FGFR2: variants seen among roughly 807,000 people sequenced by gnomAD.
FGFR2 encodes the protein fibroblast growth factor receptor 2, also known as BEK fibroblast growth factor receptor.
Under a neutral mutation model 95.9 loss-of-function variants are expected in FGFR2, and 19 were observed. The ratio of observed to expected loss-of-function variants is 0.20; its 90% CI spans 0.14 to 0.29. FGFR2 has a LOEUF of 0.29. Among genes scored for constraint, FGFR2 ranks in the 10% least tolerant of loss-of-function variants. The pLI is 1.00. For missense variants in FGFR2, 707 were observed against 1,056.9 expected (o/e 0.67, Z 4.59); for synonymous variants, 392 against 393.3 (o/e 1.00, Z 0.04).
chr10:121,497,839 A>G (rs1246759078), intron 12 of FGFR2, among the ~76,000 whole-genome samples: 3 of 152,234 alleles, frequency 2.0e-5, no homozygotes, highest in Non-Finnish European at 2.9e-5. Context: ...ACGGCCCACA[A>G]AAGTCTAAAA....
In FGFR2 at chr10:121,558,610, GT is replaced by G. The variant is rs1212018020; in HGVS notation, c.454+5891del. On this transcript the variant is annotated intron_variant, in intron 4 of 17. Coordinates refer to ENST00000358487, the MANE Select transcript of FGFR2 (RefSeq NM_000141.5). Reference sequence around the variant, plus strand: ...ATGATGTTAATAGATACAGTTTTTTGTTTTTTTTTTTTTTTGAGACGGAGTC... The same window carrying G: ...ATGATGTTAATAGATACAGTTTTTTGTTTTTTTTTTTTTTGAGACGGAGTC... Among the ~76,000 whole-genome samples the G allele has an allele frequency of 4.1e-3, 568 of 139,376 alleles. 4 individuals carry two copies. The highest frequency in any genetic ancestry group is 4.6e-3 in the Admixed American group (65 of 14,040). The allele number at this position is 139,376 out of a possible 152,430, so 91.4% of individuals were successfully genotyped here. A position where few individuals can be genotyped will look rare whatever the true frequency, so the allele number is the denominator to read the frequency against.
chr10:121,499,237 C>T (rs1004552803), intron 11 of FGFR2, among the ~76,000 whole-genome samples: 3 of 152,166 alleles, frequency 2.0e-5, no homozygotes, highest in African/African-American at 7.2e-5. Flanking sequence ...GTTCCACATA[C>T]GCGGGCTCGC....
chr10:121,548,003 G>A (rs1431267862), intron 5 of FGFR2, among the ~76,000 whole-genome samples: 1 of 152,082 alleles, frequency 6.6e-6, no homozygotes, highest in Non-Finnish European at 1.5e-5. Context: ...TTCAAGTCCC[G>A]GAAGCCCTTG....
chr10:121,481,111 A>G (rs1649202), intron 17 of FGFR2, among the ~76,000 whole-genome samples: 79,442 of 151,834 alleles, frequency 0.52, 22,283 homozygotes, highest in African/African-American at 0.73. Context: ...CAGGGCCGGC[A>G]AAGCTGAAAA....
chr10:121,574,463 G>A (rs1590051297), intron 2 of FGFR2, among the ~76,000 whole-genome samples: 1 of 151,986 alleles, frequency 6.6e-6, no homozygotes, highest in African/African-American at 2.4e-5. Context: ...CGGGAGGCGG[G>A]GGTTGCAGTG....
rs2134827014 is a variant in FGFR2, at chr10:121,551,278, G to A, written c.624+12C>T. On this transcript the variant is annotated intron_variant, in intron 5 of 17. Transcript: ENST00000358487. ...ATGTAAGAAATGTGATGTTCTGAAA[G>A]CTTAATTCTACCTTGTAGCCTCCAA... is the stretch of plus-strand genomic sequence containing the variant. 6.2e-7 allele frequency: 1 copy of A among 1,613,802 alleles called. No individual in the cohort carries two copies. Among genetic ancestry groups the A allele is most frequent in the Non-Finnish European group, 8.5e-7 (1 of 1,179,696 alleles).
At chr10:121,481,178 G>C (rs933801058) in intron 17 of FGFR2, among the ~76,000 whole-genome samples, 17 of 152,128 alleles carry the variant, frequency 1.1e-4, no homozygotes, top group African/African-American at 3.9e-4. Flanking sequence ...CTGAAGCTAT[G>C]AAAAGCTTTC....
At chr10:121,488,480 G>A (rs1845713570) in intron 13 of FGFR2, among the ~76,000 whole-genome samples, 1 of 148,718 alleles carries the variant, frequency 6.7e-6, no homozygotes, top group Admixed American at 6.9e-5. Context: ...GACAGAGGTT[G>A]CAGTGAGCTG....
chr10:121,544,672 G>A (rs1230351648), intron 5 of FGFR2, among the ~76,000 whole-genome samples: 5 of 151,954 alleles, frequency 3.3e-5, no homozygotes, highest in African/African-American at 1.2e-4. Context: ...GTGGGGGAGG[G>A]GAAATGAGTA....
chr10:121,538,566 C>T (rs768308840), intron 6 of FGFR2, 26 bp downstream of exon 6: 9 of 1,614,134 alleles, frequency 5.6e-6, no homozygotes, highest in South Asian at 4.4e-5. Context: ...GGTATGCAGC[C>T]GCCACACGAG....
intron 2 of FGFR2, among the ~76,000 whole-genome samples, chr10:121,571,135 C>G (rs1391795789): frequency 1.4e-5 from 2 of 148,040 alleles, no homozygotes; most frequent in Admixed American, 6.8e-5. Context: ...ACTACAGGAG[C>G]CTGCCACCAC....
intron 2 of FGFR2, among the ~76,000 whole-genome samples, chr10:121,587,643 GAAA>G (rs1223436297): frequency 6.6e-6 from 1 of 150,806 alleles, no homozygotes; most frequent in African/African-American, 2.4e-5. Context: ...ACCAGCATAT[GAAA>G]AAAAAAGCTC....
intron 6 of FGFR2, among the ~76,000 whole-genome samples, chr10:121,533,949 T>G (rs1388611565): frequency 6.6e-6 from 1 of 151,968 alleles, no homozygotes; most frequent in Non-Finnish European, 1.5e-5. Flanking sequence ...CTTCAAGTCC[T>G]CAAACTCCAC....
At position 121,485,608 on chromosome 10, in the gene FGFR2, T is replaced by C. The variant is rs1245807572; in HGVS notation, c.2058-76A>G. On this transcript the variant is annotated intron_variant, in intron 15 of 17. Coordinates refer to ENST00000358487, the MANE Select transcript of FGFR2 (RefSeq NM_000141.5). This position sits in a 1 kb window ranked among gnomAD's most constrained non-coding sequence, Gnocchi z 4.2. ...AACCTAAACACGCCCAGCTGAGACATAAACACCTCCTCACTTCTGAAGTTC... is the reference window on the plus strand; with the variant it reads ...AACCTAAACACGCCCAGCTGAGACACAAACACCTCCTCACTTCTGAAGTTC... 1.9e-6 allele frequency: 3 copies of C among 1,595,626 alleles called. No homozygotes were observed. The African/African-American group carries it at 4.0e-5, about 21-fold the overall frequency.
At position 121,482,379 on chromosome 10, in the gene FGFR2, G is replaced by A. The variant is rs532330234; in HGVS notation, c.2301+1319C>T. ...TATCCAGCACAGGCCACAGTCAGAC[G>A]CATAAGATAAAGCTGCTGAGCTAAG... On this transcript the variant is annotated intron_variant, in intron 17 of 17. Coordinates refer to ENST00000358487, the MANE Select transcript of FGFR2 (RefSeq NM_000141.5). 1.4e-3 allele frequency among the ~76,000 whole-genome samples: 218 copies of A among 152,274 alleles called. 2 individuals carry two copies. Among genetic ancestry groups the A allele is most frequent in the Non-Finnish European group, 2.2e-3 (148 of 68,030 alleles).
At chr10:121,542,571 T>C (rs1157530886) in intron 5 of FGFR2, among the ~76,000 whole-genome samples, 1 of 152,240 alleles carries the variant, frequency 6.6e-6, no homozygotes, top group Non-Finnish European at 1.5e-5. Context: ...AATTCATCAT[T>C]ATTTTTCATC....
chr10:121,479,957 G>T lies in FGFR2; in HGVS notation c.2366C>A (p.Ser789Tyr). ...YSPSYPDTRSSCSSGDDSVFS... is the reference protein window; with the variant it reads ...YSPSYPDTRSYCSSGDDSVFS... ...AACAGAATCATCTCCTGAAGAACAA[G>T]AACTTCTTGTGTCAGGGTAACTAGG... Residue 789 changes from serine (S) to tyrosine (Y), a missense_variant, in exon 18 of 18, where the codon TCT becomes TAT. By Grantham distance (144) the Ser-to-Tyr change is moderately radical. This residue lies in a region of FGFR2 where 51 missense variants were observed against 50.2 expected (regional missense o/e 1.01). Coordinates refer to ENST00000358487, the MANE Select transcript of FGFR2 (RefSeq NM_000141.5). 2 of 1,614,176 alleles carry T rather than the reference G, an allele frequency of 1.2e-6. No individual in the cohort carries two copies. Among genetic ancestry groups the T allele is most frequent in the Middle Eastern group, 1.6e-4 (1 of 6,062 alleles).
Position 121,479,674 on chromosome 10 carries a change from G to C in FGFR2, c.*183C>G, listed in dbSNP as rs549203570. ...CTCCAGAAACCTTCTTCTCCTCCTG[G>C]GGAAGATTACAAGTTTTCAACTGTA... On this transcript the variant is annotated 3_prime_UTR_variant, in exon 18 of 18. Coordinates refer to ENST00000358487, the MANE Select transcript of FGFR2 (RefSeq NM_000141.5). 6.9e-5 allele frequency: 108 copies of C among 1,555,670 alleles called. No individual in the cohort carries two copies. In the South Asian group the frequency reaches 9.2e-4, roughly 13 times the overall value.
At chr10:121,535,164 A>C (rs1852656004) in intron 6 of FGFR2, among the ~76,000 whole-genome samples, 1 of 152,188 alleles carries the variant, frequency 6.6e-6, no homozygotes, top group Admixed American at 6.5e-5. Context: ...AGCTACCAGA[A>C]GCTGGGAGAG....
Sources: allele counts gnomAD v4.1 joint callset (sites outside exome capture counted in the v4.1 genomes callset), GRCh38; gene constraint gnomAD v4.1.1; regional missense constraint gnomAD v4.1.1; non-coding constraint Gnocchi (gnomAD v3.1); transcripts MANE v1.5; gene names NCBI Gene and HGNC (gene_info 2026-07-23, HGNC 2026-07-21).